The following ELAVL2 variants were observed in gnomAD, a reference collection of about 807,000 sequenced individuals.
The protein encoded by ELAVL2 is ELAV like RNA binding protein 2, also known as ELAV-like protein 2.
Under a neutral mutation model 34.6 loss-of-function variants are expected in ELAVL2, and 4 were observed. The ratio of observed to expected loss-of-function variants is 0.12; its 90% confidence interval spans 0.06 to 0.26. The LOEUF (loss-of-function observed/expected upper bound fraction) is 0.26. Among genes scored for constraint, ELAVL2 ranks in the 10% least tolerant of loss-of-function variants. The pLI is 1.00. For missense variants in ELAVL2, 432 were observed against 442.8 expected, an observed-to-expected ratio of 0.98 and a Z score of 0.22; for synonymous variants, 193 against 154.8, an observed-to-expected ratio of 1.25 and a Z score of -1.83.
chr9:23,755,612 T>C (rs1352422644), intron 2 of ELAVL2, among the ~76,000 whole-genome samples: 3 of 152,166 alleles, frequency 2.0e-5, no homozygotes, highest in Admixed American at 6.5e-5. Flanking sequence ...GACACAAATT[T>C]CATTTTATAC....
At chr9:23,742,496 G>C (rs540649930) in intron 2 of ELAVL2, among the ~76,000 whole-genome samples, 9 of 152,298 alleles carry the variant, frequency 5.9e-5, no homozygotes, top group Admixed American at 5.2e-4. Flanking sequence ...GAGGGAAGCT[G>C]AGTCATTAAG....
intron 3 of ELAVL2, among the ~76,000 whole-genome samples, chr9:23,723,700 C>A (rs2044338772): frequency 6.6e-6 from 1 of 152,110 alleles, no homozygotes; most frequent in African/African-American, 2.4e-5. Flanking sequence ...TGTCTTCTAT[C>A]ATGATGCACA....
rs566780928 is a variant in ELAVL2, at chr9:23,731,027, T to C, written c.328A>G (p.Ile110Val). The C allele has an allele frequency of 8.1e-6, 13 of 1,611,188 alleles. No individual in the cohort carries two copies. The highest frequency in any genetic ancestry group is 4.4e-5 in the South Asian group (4 of 90,326). ...LNGLRLQTKT[I>V]KVSYARPSSA... ...TAAAAAAACTTTAAACATACTTTTA[T>C]TGTTTTGGTTTGAAGTCTCAATCCA... The change falls in exon 3 of 7, where the codon ATA becomes GTA. Residue 110 changes from isoleucine (I) to valine (V), a missense_variant. Around this residue, in one of 3 missense-constraint regions of ELAVL2, gnomAD observed 5 missense variants for 18.4 expected, o/e 0.27. Transcript: ENST00000397312.
chr9:23,730,107 T>C (rs1004624346), intron 3 of ELAVL2, among the ~76,000 whole-genome samples: 43 of 152,084 alleles, frequency 2.8e-4, no homozygotes, highest in Non-Finnish European at 6.2e-4. Context: ...AAGAGTGCCA[T>C]GATTGACTGG....
upstream of ELAVL2, chr9:23,829,742 G>A (rs1471625735): frequency 6.6e-6 from 1 of 152,140 alleles, no homozygotes; most frequent in East Asian, 1.9e-4. Flanking sequence ...AATTTATACC[G>A]TGGCAACCAC....
At chr9:23,788,302 C>G (rs1462460458) in intron 1 of ELAVL2, among the ~76,000 whole-genome samples, 1 of 152,126 alleles carries the variant, frequency 6.6e-6, no homozygotes, top group Non-Finnish European at 1.5e-5. Flanking sequence ...TAGCATTTGC[C>G]ATCCTAAGTC....
In ELAVL2 at chr9:23,691,369, C is replaced by G. The variant is rs2033124215; in HGVS notation, c.*1188G>C. 1 of 152,562 alleles carries G rather than the reference C, an allele frequency of 6.6e-6. No homozygotes were observed. The highest frequency in any genetic ancestry group is 1.5e-5 in the Non-Finnish European group (1 of 67,994). The allele number at this position is 152,562 out of a possible 1,614,324, so 9.5% of individuals were successfully genotyped here. A position where few individuals can be genotyped will look rare whatever the true frequency, so the allele number is the denominator to read the frequency against. Reference sequence around the variant, plus strand: ...TCAAAATACCTTCAAATATATCCAACTCAGATCACTTTTGCTGATTTGCTG... The same window carrying G: ...TCAAAATACCTTCAAATATATCCAAGTCAGATCACTTTTGCTGATTTGCTG... On this transcript the variant is annotated 3_prime_UTR_variant, in exon 7 of 7. Transcript: ENST00000397312.
Position 23,816,336 on chromosome 9 carries a change from AAAAAAAAAAAG to A in ELAVL2, c.-16+9459_-16+9469del, listed in dbSNP as rs1329345882. On this transcript the variant is annotated intron_variant, in intron 1 of 6. Transcript: ENST00000397312. Reference sequence around the variant, plus strand: ...TTTCAGTAAAAAAAAAAAAAAAAAAAAAAAAAAAAAGGGGATAAAAATCCATCTTGAAGGAA... The same window carrying A: ...TTTCAGTAAAAAAAAAAAAAAAAAAAGGGATAAAAATCCATCTTGAAGGAA... 2.3e-4 allele frequency among the ~76,000 whole-genome samples: 34 copies of A among 149,680 alleles called. 1 individual carries two copies. The highest frequency in any genetic ancestry group is 3.9e-4 in the East Asian group (2 of 5,146).
intron 1 of ELAVL2, among the ~76,000 whole-genome samples, chr9:23,781,579 G>A (rs1349545930): frequency 6.7e-6 from 1 of 148,794 alleles, no homozygotes. Context: ...GGAGTACAGT[G>A]GTGTGATCAC....
chr9:23,749,393 G>A (rs773826681), intron 2 of ELAVL2, among the ~76,000 whole-genome samples: 1 of 152,010 alleles, frequency 6.6e-6, no homozygotes, highest in Admixed American at 6.6e-5. Context: ...TCAAAATAGG[G>A]TTTTGTTCTG....
intron 1 of ELAVL2, among the ~76,000 whole-genome samples, chr9:23,796,849 A>G (rs2060991878): frequency 6.6e-6 from 1 of 152,226 alleles, no homozygotes; most frequent in South Asian, 2.1e-4. Flanking sequence ...AATATCAGTC[A>G]TGGAATATAC....
intron 4 of ELAVL2, among the ~76,000 whole-genome samples, chr9:23,702,969 A>AAAC (rs2037907749): frequency 6.8e-6 from 1 of 146,000 alleles, no homozygotes; most frequent in South Asian, 2.2e-4. Context: ...AAAAAAAAAA[A>AAAC]AAAAAAAAAA....
intron 3 of ELAVL2, among the ~76,000 whole-genome samples, chr9:23,721,087 C>T (rs925752265): frequency 1.1e-4 from 16 of 152,194 alleles, no homozygotes. Flanking sequence ...TTTTCCTTGC[C>T]ATCCACTGAT....
chr9:23,698,751 G>A (rs1221297037), intron 5 of ELAVL2, among the ~76,000 whole-genome samples: 3 of 152,142 alleles, frequency 2.0e-5, no homozygotes, highest in Admixed American at 2.0e-4. Flanking sequence ...GAAAGAAGAA[G>A]GGGGAGTGGG....
At chr9:23,693,587 C>T (rs2034000745) in intron 5 of ELAVL2, 101 bp from the exon 6 acceptor site, 1 of 1,366,824 alleles carries the variant, frequency 7.3e-7, no homozygotes, top group Non-Finnish European at 1.0e-6. Flanking sequence ...GATATCTGTA[C>T]ACTGATTATA....
intron 5 of ELAVL2, among the ~76,000 whole-genome samples, chr9:23,697,895 C>T (rs376349030): frequency 3.3e-5 from 5 of 151,830 alleles, no homozygotes; most frequent in Non-Finnish European, 7.4e-5. Context: ...AAGCGCCAAC[C>T]GAGAACTGCT....
At chr9:23,752,715 A>G (rs962375789) in intron 2 of ELAVL2, among the ~76,000 whole-genome samples, 2 of 152,148 alleles carry the variant, frequency 1.3e-5, no homozygotes, top group African/African-American at 4.8e-5. Flanking sequence ...TTGGCCTCCC[A>G]AAGTGCTGGA....
chr9:23,773,639 G>A (rs1476665573), intron 1 of ELAVL2, among the ~76,000 whole-genome samples: 1 of 152,126 alleles, frequency 6.6e-6, no homozygotes, highest in Non-Finnish European at 1.5e-5. Context: ...ACAGGCTGAA[G>A]AGGAGAAGGG....
intron 1 of ELAVL2, among the ~76,000 whole-genome samples, chr9:23,763,572 A>C (rs914722126): frequency 6.6e-6 from 1 of 152,168 alleles, no homozygotes; most frequent in East Asian, 1.9e-4. Flanking sequence ...GAAAAAAAGC[A>C]AAGTAAAGGG....
Sources: gnomAD v4.1 joint callset for allele counts (sites outside exome capture counted in the v4.1 genomes callset) on GRCh38, gnomAD v4.1.1 for gene constraint, gnomAD v4.1.1 regional missense constraint, MANE v1.5 for transcripts, NCBI Gene and HGNC (gene_info 2026-07-23, HGNC 2026-07-21) for gene names.